Variants in P4HA1 observed in about 807,000 individuals in gnomAD.
P4HA1 encodes the protein prolyl 4-hydroxylase subunit alpha-1.
In P4HA1, 24 loss-of-function variants were observed where a neutral mutation model predicts 72.8. The ratio of observed to expected loss-of-function variants is 0.33; its 90% confidence interval spans 0.24 to 0.46. The LOEUF (loss-of-function observed/expected upper bound fraction) is 0.46, where lower values mean the gene tolerates loss of function less well. Ranked by LOEUF, P4HA1 falls within the 20% of genes least tolerant of loss-of-function variation. The pLI, the probability that P4HA1 is intolerant of heterozygous loss-of-function variation, is 1.00. For missense variants in P4HA1, 446 were observed against 640.6 expected (o/e 0.70, Z 3.28); for synonymous variants, 201 against 218.8 (o/e 0.92, Z 0.72).
intron 8 of P4HA1, among the ~76,000 whole-genome samples, chr10:73,045,915 C>A (rs1589600407): frequency 1.3e-5 from 2 of 149,440 alleles, no homozygotes; most frequent in Middle Eastern, 7.0e-3. Context: ...CAGAAAAACT[C>A]TAAAAGAAAT....
At chr10:73,080,627 T>C (rs59528188) in intron 1 of P4HA1, among the ~76,000 whole-genome samples, 10 of 152,156 alleles carry the variant, frequency 6.6e-5, no homozygotes, top group African/African-American at 2.4e-4. Flanking sequence ...CAGGTTTTTT[T>C]AACAATGGTT....
intron 9 of P4HA1, among the ~76,000 whole-genome samples, chr10:73,041,619 CT>C (rs1359847329): frequency 1.6e-4 from 25 of 151,688 alleles, no homozygotes; most frequent in Admixed American, 1.6e-3. Flanking sequence ...GAAGTATCCT[CT>C]CTCTACCTGG....
chr10:73,065,515 T>G (rs1283726048), intron 5 of P4HA1: 1 of 152,096 alleles, frequency 6.6e-6, no homozygotes, highest in Non-Finnish European at 1.5e-5. Context: ...TGAAGAAAAT[T>G]TAAAATACAT....
intron 5 of P4HA1, among the ~76,000 whole-genome samples, chr10:73,058,693 G>A (rs1235991461): frequency 6.6e-6 from 1 of 151,020 alleles, no homozygotes. Context: ...AAAAAGAAAT[G>A]AGGATTTCTA....
chr10:73,014,299 A>C lies in P4HA1; in HGVS notation c.1303-10T>G, dbSNP rs201351732. 323 of 1,599,206 alleles carry C rather than the reference A, an allele frequency of 2.0e-4. 4 individuals are homozygous for C. In the South Asian group the frequency reaches 3.3e-3, roughly 16 times the overall value. On this transcript the variant is annotated splice_polypyrimidine_tract_variant and intron_variant, in intron 11 of 14. Coordinates refer to ENST00000394890, the MANE Select transcript of P4HA1 (RefSeq NM_001017962.3). ...CATCTGGCTCATCTTTCTGTGAATA[A>C]AAACACAGTAAATTCAATGGTGTAA...
intron 1 of P4HA1, among the ~76,000 whole-genome samples, chr10:73,077,505 T>A (rs1418812632): frequency 6.6e-6 from 1 of 152,164 alleles, no homozygotes; most frequent in East Asian, 1.9e-4. Flanking sequence ...ATTTTAAGAA[T>A]GACAGAGCCT....
At chr10:73,043,800 A>G (rs374607275) in intron 9 of P4HA1, 295 of 992,054 alleles carry the variant, frequency 3.0e-4, no homozygotes, top group Admixed American at 5.8e-4. Flanking sequence ...TAGGTCTTAG[A>G]AACTATATCA....
At chr10:73,050,179 A>T (rs1840985707) in intron 7 of P4HA1, among the ~76,000 whole-genome samples, 1 of 151,938 alleles carries the variant, frequency 6.6e-6, no homozygotes, top group African/African-American at 2.4e-5. Context: ...AAAAAAAAAA[A>T]AAATACTGCT....
At chr10:73,089,979 G>A (rs544509540) in intron 1 of P4HA1, among the ~76,000 whole-genome samples, 62 of 152,256 alleles carry the variant, frequency 4.1e-4, no homozygotes, top group African/African-American at 1.3e-3. Flanking sequence ...GGGGACTGCA[G>A]GCACACAACA....
chr10:73,036,276 A>C (rs958060745), intron 9 of P4HA1, among the ~76,000 whole-genome samples: 8 of 152,104 alleles, frequency 5.3e-5, no homozygotes, highest in African/African-American at 1.9e-4. Flanking sequence ...AATAACTGTC[A>C]AACTGTCATC....
intron 9 of P4HA1, among the ~76,000 whole-genome samples, chr10:73,040,774 A>G (rs1840713151): frequency 6.6e-6 from 1 of 152,062 alleles, no homozygotes; most frequent in African/African-American, 2.4e-5. Context: ...TCCTGGCCGT[A>G]ATTTTGTTTT....
intron 1 of P4HA1, among the ~76,000 whole-genome samples, chr10:73,084,640 T>C (rs941031548): frequency 5.9e-5 from 9 of 152,118 alleles, no homozygotes; most frequent in Non-Finnish European, 1.2e-4. Context: ...ATAGCAGTTA[T>C]ACTACTTGAA....
At chr10:73,037,326 AC>A (rs911523759) in intron 9 of P4HA1, among the ~76,000 whole-genome samples, 7 of 149,264 alleles carry the variant, frequency 4.7e-5, no homozygotes, top group African/African-American at 1.5e-4. Flanking sequence ...AAAAAAAAAA[AC>A]TTCATGATTT....
At chr10:73,093,760 G>A (rs539252053) in intron 1 of P4HA1, among the ~76,000 whole-genome samples, 4 of 144,648 alleles carry the variant, frequency 2.8e-5, no homozygotes, top group African/African-American at 7.6e-5. Flanking sequence ...GGAGAATGGC[G>A]TGAACCCGGG....
At chr10:73,059,521 A>C (rs1326258436) in intron 5 of P4HA1, among the ~76,000 whole-genome samples, 3 of 141,848 alleles carry the variant, frequency 2.1e-5, no homozygotes, top group Admixed American at 7.2e-5. Flanking sequence ...AGGCAGGTGG[A>C]TCATGAGGTC....
chr10:73,046,549 C>T (rs1434446182), intron 8 of P4HA1, among the ~76,000 whole-genome samples: 2 of 152,102 alleles, frequency 1.3e-5, no homozygotes, highest in Non-Finnish European at 2.9e-5. Flanking sequence ...AATACTTCCA[C>T]GGTATTCTTT....
chr10:73,067,946 T>C (rs909154109), intron 5 of P4HA1, among the ~76,000 whole-genome samples: 2 of 152,184 alleles, frequency 1.3e-5, no homozygotes, highest in African/African-American at 2.4e-5. Context: ...CTGGCACATA[T>C]TAAGTATTTA....
At chr10:73,079,603 G>A (rs957911578) in intron 1 of P4HA1, among the ~76,000 whole-genome samples, 13 of 152,078 alleles carry the variant, frequency 8.5e-5, no homozygotes, top group East Asian at 3.9e-4. Context: ...TTAGCCGGGC[G>A]TGGTGGCAGG....
intron 1 of P4HA1, among the ~76,000 whole-genome samples, chr10:73,089,579 A>G (rs1196171297): frequency 2.0e-5 from 3 of 152,112 alleles, no homozygotes; most frequent in African/African-American, 4.8e-5. Context: ...ATGTCCATCA[A>G]AGGGTAAATG....
Sources: gnomAD v4.1 joint callset for allele counts (sites outside exome capture counted in the v4.1 genomes callset) on GRCh38, gnomAD v4.1.1 for gene constraint, MANE v1.5 for transcripts, NCBI Gene and HGNC (gene_info 2026-07-23, HGNC 2026-07-21) for gene names.